The following DCLRE1C variants were observed in gnomAD, a reference collection of about 807,000 sequenced individuals.
DCLRE1C encodes DNA cross-link repair 1C, also known as protein artemis.
DCLRE1C carries 47 observed loss-of-function variants against 61.4 expected under a neutral mutation model. The ratio of observed to expected loss-of-function variants is 0.77; its 90% CI spans 0.61 to 0.98. DCLRE1C has a LOEUF of 0.98. Ranked by LOEUF, DCLRE1C falls within the 50% of genes least tolerant of loss-of-function variation. The probability of loss-of-function intolerance (pLI) is 0.00; values close to 1 mark genes in which losing one functional copy is unlikely to be tolerated. For synonymous variants in DCLRE1C, 337 were observed against 287.6 expected (o/e 1.17, Z -1.74); for missense variants, 858 against 816.0 (o/e 1.05, Z -0.63).
chr10:14,951,676 C>A (rs773355982), intron 1 of DCLRE1C, among the ~76,000 whole-genome samples: 2 of 152,264 alleles, frequency 1.3e-5, no homozygotes, highest in African/African-American at 4.8e-5. Context: ...CAGACAGCCG[C>A]CTTCTCACTA....
rs1473807091 is a variant in DCLRE1C, at chr10:14,908,275, A to G, written c.*133T>C. 1.4e-6 allele frequency: 1 copy of G among 732,074 alleles called. No individual in the cohort carries two copies. The highest frequency in any genetic ancestry group is 2.3e-6 in the Non-Finnish European group (1 of 438,700). 45.3% of individuals were successfully genotyped at this position (732,074 alleles called of 1,614,324 possible). On this transcript the variant is annotated 3_prime_UTR_variant, in exon 14 of 14. Coordinates refer to ENST00000378278, the MANE Select transcript of DCLRE1C (RefSeq NM_001033855.3). Reference sequence around the variant, plus strand: ...TTGCCCACCTCAAAGTGCTGGGATTACAAGTGTGAGCCACCACACCCAACC... The same window carrying G: ...TTGCCCACCTCAAAGTGCTGGGATTGCAAGTGTGAGCCACCACACCCAACC...
At chr10:14,904,482 G>A (rs182295805), downstream of DCLRE1C, among the ~76,000 whole-genome samples, 24 of 151,966 alleles carry the variant, frequency 1.6e-4, no homozygotes, top group East Asian at 3.7e-3. Context: ...TGATTCTCAC[G>A]GGTTTAAAGA....
intron 1 of DCLRE1C, among the ~76,000 whole-genome samples, chr10:14,953,198 T>C (rs1049540078): frequency 2.0e-5 from 3 of 152,172 alleles, no homozygotes; most frequent in African/African-American, 7.2e-5. Context: ...GTTAGCACAA[T>C]AGAAGTGAAA....
intron 7 of DCLRE1C, 64 bp from the exon 8 acceptor site, chr10:14,934,584 A>G: frequency 6.2e-7 from 1 of 1,613,966 alleles, no homozygotes. Flanking sequence ...TTCCTTCCCA[A>G]CAGTCCCAGG....
chr10:14,901,321 A>C, downstream of DCLRE1C: 2 of 1,603,306 alleles, frequency 1.2e-6, no homozygotes, highest in Non-Finnish European at 1.7e-6. Flanking sequence ...ATCAAATCAG[A>C]CTAGGAACAG....
intron 3 of DCLRE1C, among the ~76,000 whole-genome samples, chr10:14,942,896 G>A (rs1335780442): frequency 8.5e-5 from 13 of 152,132 alleles, no homozygotes; most frequent in African/African-American, 1.9e-4. Flanking sequence ...TGGCCGAGGC[G>A]GGAGGATCAC....
intron 13 of DCLRE1C, among the ~76,000 whole-genome samples, chr10:14,913,012 C>A (rs1367058887): frequency 6.7e-6 from 1 of 148,222 alleles, no homozygotes; most frequent in Non-Finnish European, 1.5e-5. Context: ...CCCGCCACCA[C>A]ACCTGGCTAA....
Position 14,899,279 on chromosome 10 carries a change from C to T in DCLRE1C, c.1190G>A (p.Trp397Ter). The T allele has an allele frequency of 4.3e-6, 3 of 702,144 alleles. No individual in the cohort carries two copies. 43.5% of individuals were successfully genotyped at this position (702,144 alleles called of 1,614,324 possible). The change falls in exon 14 of 14, where the codon TGG (tryptophan) becomes TAG (stop). Residue 397 changes from tryptophan to a stop codon, truncating the protein, a stop_gained. Coordinates refer to the DCLRE1C transcript ENST00000378289. LOFTEE classifies it high-confidence loss of function. ...AGGATACAGGGAGTCATGATGGCAC[C>T]ACCGCATTCTAGCCTGAGTGACAGA... is the stretch of plus-strand genomic sequence containing the variant.
intron 2 of DCLRE1C, among the ~76,000 whole-genome samples, chr10:14,946,574 A>C (rs530277804): frequency 6.6e-6 from 1 of 152,076 alleles, no homozygotes; most frequent in Non-Finnish European, 1.5e-5. Context: ...AGGTAGTACA[A>C]CTTCCTCCTA....
At chr10:14,916,122 T>A (rs574339285) in intron 13 of DCLRE1C, among the ~76,000 whole-genome samples, 1 of 152,304 alleles carries the variant, frequency 6.6e-6, no homozygotes, top group East Asian at 1.9e-4. Flanking sequence ...CCTATACTTA[T>A]CATTATACTT....
chr10:14,951,119 C>T (rs1263273175), intron 1 of DCLRE1C, among the ~76,000 whole-genome samples: 1 of 152,042 alleles, frequency 6.6e-6, no homozygotes, highest in Admixed American at 6.6e-5. Context: ...TAGCTCACAC[C>T]TGTCATCCCA....
At chr10:14,946,949 C>T (rs371661951) in intron 2 of DCLRE1C, among the ~76,000 whole-genome samples, 107 of 152,210 alleles carry the variant, frequency 7.0e-4, no homozygotes, top group African/African-American at 2.3e-3. Flanking sequence ...AGATGCCGCA[C>T]GCCTGTAATC....
intron 1 of DCLRE1C, among the ~76,000 whole-genome samples, chr10:14,950,915 T>C (rs1004598660): frequency 6.6e-6 from 1 of 152,106 alleles, no homozygotes; most frequent in Non-Finnish European, 1.5e-5. Flanking sequence ...CTCTAGGGGA[T>C]TTCCCCAACC....
chr10:14,926,237 C>T (rs190475815), intron 11 of DCLRE1C, among the ~76,000 whole-genome samples: 77 of 152,266 alleles, frequency 5.1e-4, no homozygotes, highest in Admixed American at 2.2e-3. Context: ...GAGCCGAGAA[C>T]GTGCACGTCA....
chr10:14,939,911 C>T lies in DCLRE1C; in HGVS notation c.247-42G>A, dbSNP rs555614819. ...AGAGACCATGTATATAGCAGTTTTT[C>T]ATGGCTTTATATGCCTTTGCTGTCT... On this transcript the variant is annotated intron_variant, in intron 3 of 13. Transcript: ENST00000378278. 4 of 1,487,376 alleles carry T rather than the reference C, an allele frequency of 2.7e-6. No individual in the cohort carries two copies. In the South Asian group the frequency reaches 4.8e-5, roughly 18 times the overall value. The allele number at this position is 1,487,376 out of a possible 1,614,324, so 92.1% of individuals were successfully genotyped here. A position where few individuals can be genotyped will look rare whatever the true frequency, so the allele number is the denominator to read the frequency against.
rs1415064790 is a variant in DCLRE1C, at chr10:14,949,040, A to G, written c.157T>C (p.Cys53Arg). 1 of 1,608,936 alleles carries G rather than the reference A, an allele frequency of 6.2e-7. No homozygotes were observed. Among genetic ancestry groups the G allele is most frequent in the Non-Finnish European group, 8.5e-7 (1 of 1,175,660 alleles). Residue 53 changes from cysteine to arginine, a missense_variant, in exon 2 of 14, where the codon TGC becomes CGC. Physicochemically the swap from Cys to Arg is radical, Grantham distance 180. Coordinates refer to ENST00000378278, the MANE Select transcript of DCLRE1C (RefSeq NM_001033855.3). ...ACAAGTAGCAAAATAAATTACCTGC[A>G]CTCCAACCTTCTTTTCAAGGTAGGG... The part of the protein sequence containing the change: ...RAPTLKRRLE[C>R]SLKVYLYCSP...
At chr10:14,928,939 C>T (rs955727682) in intron 9 of DCLRE1C, among the ~76,000 whole-genome samples, 6 of 152,032 alleles carry the variant, frequency 3.9e-5, no homozygotes, top group Non-Finnish European at 7.4e-5. Context: ...CACACCACCA[C>T]ACCCAGCTAA....
upstream of DCLRE1C, chr10:14,954,174 G>T: frequency 8.1e-7 from 1 of 1,239,808 alleles, no homozygotes; most frequent in Admixed American, 2.0e-5. Flanking sequence ...GCAAAGTCAA[G>T]GAGCATCCGG....
chr10:14,909,323 T>G lies in DCLRE1C; in HGVS notation c.1164A>C (p.Glu388Asp), dbSNP rs1466407883. ...ARTVHRDSEE[E>D]DDYLFDDPLP... ...GAGGATCATCAAAGAGATAGTCATC[T>G]TCCTCCTCTGTGGGACAAACAAAAC... Residue 388 changes from glutamate to aspartate, a missense_variant, in exon 14 of 14, where the codon GAA becomes GAC. By Grantham distance (45) the Glu-to-Asp change is conservative (BLOSUM62 2). Transcript: ENST00000378278. The G allele has an allele frequency of 6.2e-7, 1 of 1,613,496 alleles. No individual in the cohort carries two copies. Among genetic ancestry groups the G allele is most frequent in the Non-Finnish European group, 8.5e-7 (1 of 1,179,956 alleles).
Sources: allele counts gnomAD v4.1 joint callset (sites outside exome capture counted in the v4.1 genomes callset), GRCh38; gene constraint gnomAD v4.1.1; transcripts MANE v1.5; gene names NCBI Gene and HGNC (gene_info 2026-07-23, HGNC 2026-07-21).